Variants in RSRC1 observed in about 807,000 individuals in gnomAD.
RSRC1 encodes the protein serine/Arginine-related protein 53.
Under a neutral mutation model 49.1 loss-of-function variants are expected in RSRC1, and 39 were observed. That is an observed-to-expected ratio of 0.79 (90% CI 0.61 to 1.04). The LOEUF (loss-of-function observed/expected upper bound fraction) is 1.04, where lower values mean the gene tolerates loss of function less well. Ranked by LOEUF, RSRC1 falls within the 50% of genes least tolerant of loss-of-function variation. The probability of loss-of-function intolerance (pLI) is 0.00; values close to 1 mark genes in which losing one functional copy is unlikely to be tolerated. For missense variants in RSRC1, 388 were observed against 402.4 expected (o/e 0.96, Z 0.31); for synonymous variants, 143 against 130.8 (o/e 1.09, Z -0.63).
intron 1 of RSRC1, among the ~76,000 whole-genome samples, chr3:158,121,117 A>G (rs1302821910): frequency 1.3e-5 from 2 of 151,982 alleles, no homozygotes; most frequent in East Asian, 3.9e-4. Context: ...TCATATGTAC[A>G]TATTTTCTTA....
chr3:158,510,745 T>C (rs1208744094), intron 7 of RSRC1, among the ~76,000 whole-genome samples: 3 of 152,334 alleles, frequency 2.0e-5, no homozygotes, highest in South Asian at 2.1e-4. Context: ...GTAGGTTTTA[T>C]TCATCCTTTC....
At chr3:158,399,977 T>C (rs1733818643) in intron 6 of RSRC1, among the ~76,000 whole-genome samples, 1 of 152,168 alleles carries the variant, frequency 6.6e-6, no homozygotes, top group Non-Finnish European at 1.5e-5. Context: ...TGATAAAGGA[T>C]AGCTGCAATT....
intron 7 of RSRC1, among the ~76,000 whole-genome samples, chr3:158,477,182 A>G (rs539187514): frequency 6.6e-6 from 1 of 152,322 alleles, no homozygotes; most frequent in South Asian, 2.1e-4. Flanking sequence ...TGGTGAAGAC[A>G]GTGTGAACAC....
At chr3:158,403,843 TAAGA>T (rs1027414206) in intron 6 of RSRC1, among the ~76,000 whole-genome samples, 6 of 151,794 alleles carry the variant, frequency 4.0e-5, no homozygotes, top group African/African-American at 1.2e-4. Flanking sequence ...ATATAAACTA[TAAGA>T]AAGAAATTTC....
chr3:158,319,079 C>G (rs1311518836), intron 5 of RSRC1, among the ~76,000 whole-genome samples: 1 of 152,132 alleles, frequency 6.6e-6, no homozygotes, highest in African/African-American at 2.4e-5. Context: ...AATGACTTCT[C>G]TTCCAGGACA....
chr3:158,117,414 A>G (rs759373487), intron 1 of RSRC1, among the ~76,000 whole-genome samples: 1 of 152,138 alleles, frequency 6.6e-6, no homozygotes, highest in Non-Finnish European at 1.5e-5. Context: ...CTGCTGCCTC[A>G]GCCCCCTCAA....
chr3:158,212,807 C>A (rs1721757882), intron 4 of RSRC1, among the ~76,000 whole-genome samples: 1 of 151,930 alleles, frequency 6.6e-6, no homozygotes, highest in Non-Finnish European at 1.5e-5. Flanking sequence ...AAATGCTAAG[C>A]TGTTGCTTAT....
chr3:158,136,957 C>G (rs1716418453), intron 3 of RSRC1: 1 of 152,108 alleles, frequency 6.6e-6, no homozygotes. Flanking sequence ...TGTAAGGACA[C>G]TGTTAAATAA....
intron 4 of RSRC1, chr3:158,276,551 TTG>T: frequency 2.0e-6 from 1 of 502,288 alleles, no homozygotes; most frequent in Non-Finnish European, 3.5e-6. Flanking sequence ...AAGAGTTGAA[TTG>T]ATGTTGTGGA....
Position 158,137,270 on chromosome 3 carries a change from A to G in RSRC1, c.320+13279A>G, listed in dbSNP as rs1440236447. ...GTTGCTTTAATTAGGATTTTAATGT[A>G]ATGTGTAATCTGAATATGGCAAAAA... On this transcript the variant is annotated intron_variant, in intron 3 of 9. Coordinates refer to ENST00000611884, the MANE Select transcript of RSRC1 (RefSeq NM_001271838.2). Among the ~76,000 whole-genome samples the G allele has an allele frequency of 5.3e-5, 8 of 152,124 alleles. No homozygotes were observed. The South Asian group carries it at 1.2e-3, about 24-fold the overall frequency.
intron 6 of RSRC1, among the ~76,000 whole-genome samples, chr3:158,445,211 T>G (rs752909280): frequency 1.3e-5 from 2 of 152,168 alleles, no homozygotes; most frequent in African/African-American, 2.4e-5. Context: ...ACGGGTATGT[T>G]TATTGCGGCA....
At chr3:158,227,610 G>A (rs1008261793) in intron 4 of RSRC1, among the ~76,000 whole-genome samples, 1 of 151,990 alleles carries the variant, frequency 6.6e-6, no homozygotes. Flanking sequence ...AACAGGCAAA[G>A]GTAGTTTGAA....
intron 4 of RSRC1, among the ~76,000 whole-genome samples, chr3:158,272,151 T>G (rs978336527): frequency 3.3e-5 from 5 of 152,122 alleles, no homozygotes; most frequent in African/African-American, 1.2e-4. Flanking sequence ...TAAATGCCCA[T>G]AAAGGGATTT....
intron 6 of RSRC1, among the ~76,000 whole-genome samples, chr3:158,410,459 A>G (rs12493753): frequency 0.13 from 20,526 of 152,184 alleles, 1,504 homozygotes; most frequent in Middle Eastern, 0.2. Context: ...CTTTCATAGT[A>G]ATCAACAAAC....
At chr3:158,345,175 C>T (rs113161227) in intron 5 of RSRC1, among the ~76,000 whole-genome samples, 10,964 of 151,194 alleles carry the variant, frequency 0.073, 1,367 homozygotes, top group African/African-American at 0.25. Context: ...TGCAGTGAGC[C>T]GAGATTGTGC....
intron 7 of RSRC1, among the ~76,000 whole-genome samples, chr3:158,467,682 A>G (rs955640917): frequency 1.3e-5 from 2 of 152,204 alleles, no homozygotes; most frequent in Admixed American, 1.3e-4. Flanking sequence ...TGATATAGTA[A>G]TGTATAGTTA....
chr3:158,210,882 A>G lies in RSRC1; in HGVS notation c.494+7637A>G, dbSNP rs1429968813. On this transcript the variant is annotated intron_variant, in intron 4 of 9. Coordinates refer to ENST00000611884, the MANE Select transcript of RSRC1 (RefSeq NM_001271838.2). ...TTTAAATTATCACACAGTGTGCCCA[A>G]TGGGATTTGACTTGAATTATGCCTG... is the stretch of plus-strand genomic sequence containing the variant. 2.6e-5 allele frequency among the ~76,000 whole-genome samples: 4 copies of G among 152,182 alleles called. No individual in the cohort carries two copies. The South Asian group carries it at 6.2e-4, about 24-fold the overall frequency.
At chr3:158,502,653 A>G (rs1739658002) in intron 7 of RSRC1, among the ~76,000 whole-genome samples, 1 of 152,038 alleles carries the variant, frequency 6.6e-6, no homozygotes, top group African/African-American at 2.4e-5. Context: ...GTTCAATTCT[A>G]CTGCTGAGAA....
intron 3 of RSRC1, among the ~76,000 whole-genome samples, chr3:158,163,690 T>A (rs1471795775): frequency 1.3e-5 from 2 of 152,130 alleles, no homozygotes; most frequent in East Asian, 3.9e-4. Context: ...ATCATACACA[T>A]CCATATTATA....
Sources: allele counts gnomAD v4.1 joint callset (sites outside exome capture counted in the v4.1 genomes callset), GRCh38; gene constraint gnomAD v4.1.1; transcripts MANE v1.5; gene names NCBI Gene and HGNC (gene_info 2026-07-23, HGNC 2026-07-21).